HYDIN: variants seen among roughly 807,000 people sequenced by gnomAD.
HYDIN encodes the protein HYDIN axonemal central pair apparatus protein, also known as axonemal central pair apparatus protein HYDIN.
HYDIN carries 132 observed loss-of-function variants against 403.9 expected under a neutral mutation model. That is an observed-to-expected ratio of 0.33 (90% CI 0.28 to 0.38). HYDIN has a LOEUF of 0.38. Ranked by LOEUF, HYDIN falls within the 10% of genes least tolerant of loss-of-function variation. The pLI is 1.00. For missense variants in HYDIN, 2,827 were observed against 5,009.5 expected, an observed-to-expected ratio of 0.56 and a Z score of 13.15; for synonymous variants, 1,202 against 1,891.7, an observed-to-expected ratio of 0.64 and a Z score of 9.46.
chr16:70,961,422 A>G (rs1354899732), intron 38 of HYDIN, among the ~76,000 whole-genome samples: 1 of 152,194 alleles, frequency 6.6e-6, no homozygotes, highest in Non-Finnish European at 1.5e-5. Flanking sequence ...GGGGGTGGGC[A>G]CAGGACAAGG....
At chr16:70,949,584 A>G in intron 41 of HYDIN, among the ~76,000 whole-genome samples, 1 of 152,230 alleles carries the variant, frequency 6.6e-6, no homozygotes, top group East Asian at 1.9e-4. Context: ...TATGTAATAT[A>G]CTTACACATT....
intron 8 of HYDIN, 38 bp downstream of exon 8, chr16:71,137,113 C>T (rs759553436): frequency 2.7e-6 from 2 of 736,468 alleles, no homozygotes; most frequent in African/African-American, 3.5e-5. Flanking sequence ...CATTCCCCCC[C>T]TCCAAATTAC....
intron 45 of HYDIN, among the ~76,000 whole-genome samples, chr16:70,932,844 C>T (rs1418353257): frequency 1.3e-5 from 2 of 152,028 alleles, no homozygotes; most frequent in African/African-American, 4.8e-5. Flanking sequence ...AATGCTAAAA[C>T]CTATAGCCTG....
At chr16:70,966,007 T>A (rs993622852) in intron 36 of HYDIN, among the ~76,000 whole-genome samples, 1 of 152,206 alleles carries the variant, frequency 6.6e-6, no homozygotes. Context: ...ATAGAGAATC[T>A]GTGGGCAAAG....
rs765920270 is a variant in HYDIN at position 70,872,079 on chromosome 16, C to T, written c.11049G>A (p.Arg3683=). 3.8e-6 allele frequency: 6 copies of T among 1,563,672 alleles called. No homozygotes were observed. Among genetic ancestry groups the T allele is most frequent in the Middle Eastern group, 3.4e-4 (2 of 5,860 alleles). The stretch of plus-strand genomic sequence containing the variant: ...TTGTAGCTGAAACAGGCCATTCAAA[C>T]CGTATCAAGTTCACTTGGCTGTGAT... The part of the protein sequence containing the change: ...VTNHSQVNLI[R]FEWPVSATIA... The change falls in exon 65 of 86, where the codon CGG becomes CGA. Residue 3683 remains arginine (R), a synonymous_variant. Transcript: ENST00000393567.
rs1463436680 is a variant in HYDIN at position 70,802,875 on chromosome 16, TG to T, written c.*4704del. ...ACCTTTGCTGACACAATCCTATGAATGAAGGTAGGTGCGCTAACAAGTAGTA... is the reference window on the plus strand; with the variant it reads ...ACCTTTGCTGACACAATCCTATGAATAAGGTAGGTGCGCTAACAAGTAGTA... On this transcript the variant is annotated 3_prime_UTR_variant, in exon 86 of 86. Coordinates refer to ENST00000393567, the MANE Select transcript of HYDIN (RefSeq NM_001270974.2). The T allele has an allele frequency of 6.6e-6, 1 of 152,212 alleles. No individual in the cohort carries two copies. The highest frequency in any genetic ancestry group is 1.9e-4 in the East Asian group (1 of 5,204). 9.4% of individuals were successfully genotyped at this position (152,212 alleles called of 1,614,324 possible).
intron 3 of HYDIN, among the ~76,000 whole-genome samples, chr16:71,182,979 C>T (rs1358917943): frequency 6.6e-6 from 1 of 152,062 alleles, no homozygotes; most frequent in Non-Finnish European, 1.5e-5. Flanking sequence ...AAAAGAGATG[C>T]TCACTGTATC....
At chr16:70,981,608 C>T in intron 28 of HYDIN, 40 bp from the exon 29 acceptor site, 2 of 1,592,704 alleles carry the variant, frequency 1.3e-6, no homozygotes, top group Non-Finnish European at 1.7e-6. Flanking sequence ...AACGAATGTG[C>T]TACAGTACAG....
chr16:71,051,645 C>CAAAAAAAAAAAAAAAAAAAAAAAAAAA (rs56676777), intron 18 of HYDIN, among the ~76,000 whole-genome samples: 1 of 120,202 alleles, frequency 8.3e-6, no homozygotes, highest in Non-Finnish European at 1.7e-5. Flanking sequence ...GACTCTGTCT[C>CAAAAAAAAAAAAAAAAAAAAAAAAAAA]AAAAAAAAAA....
intron 23 of HYDIN, among the ~76,000 whole-genome samples, chr16:71,015,641 C>T (rs1597550090): frequency 6.6e-6 from 1 of 151,986 alleles, no homozygotes; most frequent in South Asian, 2.1e-4. Flanking sequence ...GGCTTCAGTG[C>T]TTCGCTAGGT....
At chr16:70,995,991 T>C (rs1007172665) in intron 23 of HYDIN, among the ~76,000 whole-genome samples, 49 of 150,576 alleles carry the variant, frequency 3.3e-4, no homozygotes, top group Middle Eastern at 3.4e-3. Flanking sequence ...ATGGGAGATG[T>C]CTCACTCACC....
intron 71 of HYDIN, among the ~76,000 whole-genome samples, chr16:70,858,774 C>T (rs1051463335): frequency 2.4e-4 from 37 of 152,230 alleles, no homozygotes; most frequent in African/African-American, 8.4e-4. Context: ...ACCGAGCTCA[C>T]ATTTGAAACA....
chr16:70,859,116 ACG>A, intron 71 of HYDIN, among the ~76,000 whole-genome samples: 1 of 151,588 alleles, frequency 6.6e-6, no homozygotes, highest in Non-Finnish European at 1.5e-5. Flanking sequence ...CCTGGCTAAC[ACG>A]GTGAAACACT....
chr16:70,897,267 G>A (rs2076231172), intron 53 of HYDIN, among the ~76,000 whole-genome samples: 1 of 152,070 alleles, frequency 6.6e-6, no homozygotes, highest in Non-Finnish European at 1.5e-5. Flanking sequence ...AAGAACTGGG[G>A]GGCAGTGGGG....
At position 71,028,387 on chromosome 16, in the gene HYDIN, A is replaced by T. The variant is rs1411981656; in HGVS notation, c.2769-512T>A. Among the ~76,000 whole-genome samples the T allele has an allele frequency of 2.6e-5, 4 of 151,996 alleles. No individual in the cohort carries two copies. In the East Asian group the frequency reaches 7.8e-4, roughly 30 times the overall value. ...AGAACACCACCGGGATTGGTCACCC[A>T]TCTCAGACTAATGTGCTTTAAAGAT... On this transcript the variant is annotated intron_variant, in intron 19 of 85. Transcript: ENST00000393567.
chr16:70,834,150 C>G lies in HYDIN; in HGVS notation c.13416G>C (p.Ala4472=). The G allele has an allele frequency of 6.2e-7, 1 of 1,613,808 alleles. No homozygotes were observed. The highest frequency in any genetic ancestry group is 1.1e-5 in the South Asian group (1 of 91,078). Residue 4472 remains alanine, a synonymous_variant, in exon 79 of 86, where the codon GCG becomes GCC. Coordinates refer to ENST00000393567, the MANE Select transcript of HYDIN (RefSeq NM_001270974.2). Reference sequence around the variant, plus strand: ...GCTTCAGTGTGATGTTGTGGAAGGGCGCCAGGGTAAGGACCTGAATGAAAT... The same window carrying G: ...GCTTCAGTGTGATGTTGTGGAAGGGGGCCAGGGTAAGGACCTGAATGAAAT... ...ELQEPKVLTL[A]PFHNITLKPK...
chr16:70,846,988 C>G (rs1463567855), intron 75 of HYDIN, among the ~76,000 whole-genome samples: 3 of 140,690 alleles, frequency 2.1e-5, no homozygotes, highest in Non-Finnish European at 4.6e-5. Context: ...GGTCTTGACT[C>G]TTTATCCAAT....
At chr16:71,199,463 T>C (rs370208972) in intron 1 of HYDIN, among the ~76,000 whole-genome samples, 1 of 152,136 alleles carries the variant, frequency 6.6e-6, no homozygotes, top group African/African-American at 2.4e-5. Context: ...TCCACTTAAG[T>C]CTCACAGCTC....
rs373501414 is a variant in HYDIN at position 70,991,397 on chromosome 16, C to A, written c.3786-1G>T. 32 of 1,613,214 alleles carry A rather than the reference C, an allele frequency of 2.0e-5. No homozygotes were observed. Among genetic ancestry groups the A allele is most frequent in the Admixed American group, 3.3e-5 (2 of 59,948 alleles). On this transcript the variant is annotated splice_acceptor_variant, in intron 24 of 85. Coordinates refer to ENST00000393567, the MANE Select transcript of HYDIN (RefSeq NM_001270974.2). LOFTEE classifies it high-confidence loss of function. ...GGCATCTTCATCCACAAGGACAGTC[C>A]TAGGAAGTTTAATGAAATGCAGAGA... is the stretch of plus-strand genomic sequence containing the variant.
Sources: allele counts gnomAD v4.1 joint callset (sites outside exome capture counted in the v4.1 genomes callset), GRCh38; gene constraint gnomAD v4.1.1; transcripts MANE v1.5; gene names NCBI Gene and HGNC (gene_info 2026-07-23, HGNC 2026-07-21).